MAPK10: variants seen among roughly 807,000 people sequenced by gnomAD.
The protein encoded by MAPK10 is mitogen-activated protein kinase 10.
In MAPK10, 25 loss-of-function variants were observed where a neutral mutation model predicts 59.3. That is an observed-to-expected ratio of 0.42 (90% confidence interval 0.31 to 0.59). The LOEUF is 0.59. Ranked by LOEUF, MAPK10 falls within the 20% of genes least tolerant of loss-of-function variation. The pLI is 0.15. For missense variants in MAPK10, 351 were observed against 568.9 expected, an observed-to-expected ratio of 0.62 and a Z score of 3.90; for synonymous variants, 190 against 200.5, an observed-to-expected ratio of 0.95 and a Z score of 0.44.
chr4:86,092,327 G>A (rs2149052707), intron 9 of MAPK10, among the ~76,000 whole-genome samples: 1 of 152,034 alleles, frequency 6.6e-6, no homozygotes, highest in East Asian at 1.9e-4. Context: ...AAAATGCTAA[G>A]CCTTGTGCCT....
chr4:86,500,406 G>T (rs975778601), intron 1 of MAPK10, among the ~76,000 whole-genome samples: 1 of 152,080 alleles, frequency 6.6e-6, no homozygotes, highest in Non-Finnish European at 1.5e-5. Flanking sequence ...AGATAAGTTT[G>T]CGTACTGTGT....
chr4:86,156,152 C>T (rs749041768), intron 4 of MAPK10, among the ~76,000 whole-genome samples: 18 of 151,962 alleles, frequency 1.2e-4, no homozygotes, highest in East Asian at 1.9e-4. Flanking sequence ...AATACGGGTA[C>T]GTATACATAT....
chr4:86,261,584 A>G (rs531899996), intron 2 of MAPK10, among the ~76,000 whole-genome samples: 1 of 152,336 alleles, frequency 6.6e-6, no homozygotes, highest in Non-Finnish European at 1.5e-5. Flanking sequence ...CAAATATGCT[A>G]ATAGGCAGGA....
At chr4:86,092,737 C>T (rs1178376045) in intron 9 of MAPK10, among the ~76,000 whole-genome samples, 1 of 151,968 alleles carries the variant, frequency 6.6e-6, no homozygotes, top group Non-Finnish European at 1.5e-5. Flanking sequence ...CAAATTCAAT[C>T]ACTGTTGGAA....
chr4:86,249,348 T>C lies in MAPK10; in HGVS notation c.-6-54941A>G, dbSNP rs146912629. ...TGATTCTCCTGTGCAGATTCCTTCATCATCACAAGGCGGTTGCTGTAATTC... is the reference window on the plus strand; with the variant it reads ...TGATTCTCCTGTGCAGATTCCTTCACCATCACAAGGCGGTTGCTGTAATTC... On this transcript the variant is annotated intron_variant, in intron 2 of 13. Transcript: ENST00000641462. 2.7e-3 allele frequency among the ~76,000 whole-genome samples: 411 copies of C among 152,306 alleles called. 1 individual carries two copies. Among genetic ancestry groups the C allele is most frequent in the African/African-American group, 9.5e-3 (394 of 41,566 alleles).
At chr4:86,064,030 C>G (rs2046247112) in intron 11 of MAPK10, among the ~76,000 whole-genome samples, 1 of 152,132 alleles carries the variant, frequency 6.6e-6, no homozygotes, top group Non-Finnish European at 1.5e-5. Flanking sequence ...GGTAGTGTAT[C>G]ATGGACATCT....
intron 3 of MAPK10, among the ~76,000 whole-genome samples, chr4:86,181,557 T>C (rs1332926771): frequency 6.6e-6 from 1 of 152,146 alleles, no homozygotes; most frequent in Non-Finnish European, 1.5e-5. Context: ...CATACACTTG[T>C]AGGATATGAG....
At chr4:86,155,928 A>G (rs1409763098) in intron 4 of MAPK10, among the ~76,000 whole-genome samples, 1 of 152,064 alleles carries the variant, frequency 6.6e-6, no homozygotes, top group Non-Finnish European at 1.5e-5. Context: ...ACTGCCACTA[A>G]GTGACCAACA....
At chr4:86,576,741 G>C (rs960316756) in intron 1 of MAPK10, among the ~76,000 whole-genome samples, 13 of 150,174 alleles carry the variant, frequency 8.7e-5, no homozygotes, top group African/African-American at 2.5e-4. Context: ...CGCCACTGTA[G>C]TCCAGCCTAG....
intron 2 of MAPK10, among the ~76,000 whole-genome samples, chr4:86,343,051 A>G (rs548120764): frequency 2.2e-4 from 33 of 152,200 alleles, no homozygotes; most frequent in African/African-American, 7.9e-4. Flanking sequence ...CATGTCCCCT[A>G]TGCATAAGCC....
At chr4:86,592,267 G>C (rs1421814604) in intron 1 of MAPK10, among the ~76,000 whole-genome samples, 3 of 151,668 alleles carry the variant, frequency 2.0e-5, no homozygotes, top group Non-Finnish European at 4.4e-5. Flanking sequence ...TTAACAGATT[G>C]TATTTTAAAA....
At chr4:86,107,464 T>C (rs1285743096) in intron 4 of MAPK10, 112 bp from the exon 5 acceptor site, 1 of 1,429,556 alleles carries the variant, frequency 7.0e-7, no homozygotes, top group African/African-American at 1.5e-5. Flanking sequence ...TCTTAGATAC[T>C]GTCTACTCTG....
chr4:86,142,467 T>C (rs2063852166), intron 4 of MAPK10, among the ~76,000 whole-genome samples: 2 of 152,180 alleles, frequency 1.3e-5, no homozygotes, highest in Non-Finnish European at 2.9e-5. Flanking sequence ...TTTTTTCCAG[T>C]ATCTCTTATG....
upstream of MAPK10, among the ~76,000 whole-genome samples, chr4:86,364,799 G>A (rs189281698): frequency 2.2e-3 from 342 of 152,020 alleles, 4 homozygotes; most frequent in African/African-American, 7.9e-3. Flanking sequence ...GTCCAACATG[G>A]TGAAACCCTG....
chr4:86,210,981 G>A (rs2085628494), intron 2 of MAPK10, among the ~76,000 whole-genome samples: 1 of 151,824 alleles, frequency 6.6e-6, no homozygotes. Flanking sequence ...GAAGATTTGA[G>A]CAGCAGAGTA....
chr4:86,017,182 C>A lies in MAPK10; in HGVS notation c.*46G>T. 6.2e-7 allele frequency: 1 copy of A among 1,600,190 alleles called. No homozygotes were observed. The highest frequency in any genetic ancestry group is 8.5e-7 in the Non-Finnish European group (1 of 1,172,996). ...GTGTCTGCGTGTGTGTGTGTTCCAT[C>A]ACATCATCTCCTGAAGAACGCTGGG... On this transcript the variant is annotated 3_prime_UTR_variant, in exon 14 of 14. Transcript: ENST00000641462. The surrounding 1 kb of genome is among the most constrained non-coding windows in gnomAD (Gnocchi z 4.4).
chr4:86,485,368 C>T (rs1564935564), intron 1 of MAPK10, among the ~76,000 whole-genome samples: 1 of 152,176 alleles, frequency 6.6e-6, no homozygotes, highest in African/African-American at 2.4e-5. Context: ...TAATGTCAGA[C>T]TCCCTCAGTT....
At chr4:86,126,142 C>A (rs1442974762) in intron 4 of MAPK10, among the ~76,000 whole-genome samples, 1 of 152,042 alleles carries the variant, frequency 6.6e-6, no homozygotes, top group Non-Finnish European at 1.5e-5. Context: ...TGCAGCACTG[C>A]CAACTATGCA....
chr4:86,298,214 T>C (rs191949906), intron 2 of MAPK10, among the ~76,000 whole-genome samples: 2 of 152,298 alleles, frequency 1.3e-5, no homozygotes, highest in African/African-American at 4.8e-5. Context: ...TATTACAATT[T>C]CCTATTTTCT....
Sources: gnomAD v4.1 joint callset for allele counts (sites outside exome capture counted in the v4.1 genomes callset) on GRCh38, gnomAD v4.1.1 for gene constraint, Gnocchi (gnomAD v3.1) non-coding constraint, MANE v1.5 for transcripts, NCBI Gene and HGNC (gene_info 2026-07-23, HGNC 2026-07-21) for gene names.